The following NFATC2 variants were observed in gnomAD, a reference collection of about 807,000 sequenced individuals.
The protein encoded by NFATC2 is nuclear factor of activated T-cells, cytoplasmic 2.
A neutral mutation model predicts 87.3 loss-of-function variants in NFATC2; 22 were observed. That is an observed-to-expected ratio of 0.25 (90% confidence interval 0.18 to 0.36). The LOEUF is 0.36. Among genes scored for constraint, NFATC2 ranks in the 10% least tolerant of loss-of-function variants. NFATC2 has a pLI of 1.00. For missense variants in NFATC2, 1,149 were observed against 1,259.1 expected (o/e 0.91, Z 1.32); for synonymous variants, 565 against 542.2 (o/e 1.04, Z -0.58).
intron 9 of NFATC2, among the ~76,000 whole-genome samples, chr20:51,405,699 C>T (rs189532750): frequency 7.6e-4 from 116 of 152,294 alleles, no homozygotes; most frequent in Non-Finnish European, 1.5e-3. Context: ...GCTGTATCCC[C>T]AGCACCTAGG....
At chr20:51,482,897 G>A (rs961417048) in intron 3 of NFATC2, among the ~76,000 whole-genome samples, 2 of 152,138 alleles carry the variant, frequency 1.3e-5, no homozygotes, top group Admixed American at 1.3e-4. Context: ...CTTGCTTTAT[G>A]AGAATCTCAA....
chr20:51,449,541 G>A (rs1287368109), intron 6 of NFATC2, among the ~76,000 whole-genome samples: 1 of 152,220 alleles, frequency 6.6e-6, no homozygotes, highest in East Asian at 1.9e-4. Context: ...CTGCTGCTCA[G>A]AGCGGTGCAG....
upstream of NFATC2, among the ~76,000 whole-genome samples, chr20:51,547,032 C>T (rs1278235961): frequency 6.6e-6 from 1 of 151,982 alleles, no homozygotes; most frequent in Non-Finnish European, 1.5e-5. Context: ...TAAGTGGGGC[C>T]CAGGAGACCA....
chr20:51,501,882 T>A (rs563337400), intron 3 of NFATC2, among the ~76,000 whole-genome samples: 2 of 152,192 alleles, frequency 1.3e-5, no homozygotes, highest in Non-Finnish European at 2.9e-5. Context: ...ACATACAGTC[T>A]CTGTTGCAAG....
chr20:51,514,592 G>T lies in NFATC2; in HGVS notation c.1332+2192C>A, dbSNP rs574497855. On this transcript the variant is annotated intron_variant, in intron 3 of 10. Coordinates refer to ENST00000371564, the MANE Select transcript of NFATC2 (RefSeq NM_012340.5). ...GTGGACACATAAAACAGAGCACTTG[G>T]CCAGGCACGGTGGCTCACGCCTATA... Among the ~76,000 whole-genome samples, 508 of 152,318 alleles carry T rather than the reference G, an allele frequency of 3.3e-3. 3 individuals are homozygous for T. Among genetic ancestry groups the T allele is most frequent in the Non-Finnish European group, 3.3e-3 (225 of 68,036 alleles).
chr20:51,470,226 G>C (rs8119860), intron 5 of NFATC2, among the ~76,000 whole-genome samples: 1 of 152,078 alleles, frequency 6.6e-6, no homozygotes, highest in African/African-American at 2.4e-5. Context: ...GGGAAGGGGT[G>C]GGGGCAGCAT....
chr20:51,403,587 G>A (rs1988271745), intron 9 of NFATC2, among the ~76,000 whole-genome samples: 1 of 152,162 alleles, frequency 6.6e-6, no homozygotes, highest in Admixed American at 6.5e-5. Context: ...TTTGGAGATG[G>A]GGCCTTTGGG....
chr20:51,422,747 G>T (rs1981139877), intron 9 of NFATC2, among the ~76,000 whole-genome samples: 1 of 152,064 alleles, frequency 6.6e-6, no homozygotes, highest in South Asian at 2.1e-4. Context: ...TCAGGGCAGG[G>T]GGCTTTCATT....
chr20:51,499,284 G>T (rs979802177), intron 3 of NFATC2, among the ~76,000 whole-genome samples: 1 of 152,152 alleles, frequency 6.6e-6, no homozygotes, highest in South Asian at 2.1e-4. Context: ...AAGAGATGAT[G>T]CTAGCTTGGC....
intron 9 of NFATC2, among the ~76,000 whole-genome samples, chr20:51,423,291 C>CAAAAAAA (rs71192527): frequency 1.6e-5 from 1 of 62,852 alleles, no homozygotes; most frequent in Non-Finnish European, 2.7e-5. Flanking sequence ...GACCCTCTCT[C>CAAAAAAA]AAAAAAAAAA....
chr20:51,496,103 T>A (rs990509749), intron 3 of NFATC2, among the ~76,000 whole-genome samples: 1 of 152,056 alleles, frequency 6.6e-6, no homozygotes, highest in African/African-American at 2.4e-5. Flanking sequence ...GGAATGTGGG[T>A]GTGTGAACTG....
At chr20:51,397,759 A>G (rs1163842695) in intron 10 of NFATC2, among the ~76,000 whole-genome samples, 1 of 152,148 alleles carries the variant, frequency 6.6e-6, no homozygotes, top group Non-Finnish European at 1.5e-5. Context: ...TCCTCTGGCA[A>G]TCATGCTTCT....
At chr20:51,536,898 A>AACACACACACAC (rs10648135) in intron 1 of NFATC2, among the ~76,000 whole-genome samples, 13 of 149,680 alleles carry the variant, frequency 8.7e-5, no homozygotes, top group Non-Finnish European at 1.0e-4. Context: ...GCAAGCACCA[A>AACACACACACAC]ACACACACAC....
chr20:51,457,474 C>G (rs778641755), intron 5 of NFATC2, among the ~76,000 whole-genome samples: 3 of 152,234 alleles, frequency 2.0e-5, no homozygotes, highest in Non-Finnish European at 2.9e-5. Flanking sequence ...CACAGCTCCT[C>G]TCTTTCCTGC....
upstream of NFATC2, among the ~76,000 whole-genome samples, chr20:51,546,287 A>C (rs548240099): frequency 6.6e-6 from 1 of 152,324 alleles, no homozygotes; most frequent in South Asian, 2.1e-4. Flanking sequence ...GCCAACCCAT[A>C]AAAGAGTTTC....
intron 9 of NFATC2, among the ~76,000 whole-genome samples, chr20:51,419,672 T>A (rs568063620): frequency 8.1e-4 from 124 of 152,222 alleles, no homozygotes; most frequent in Non-Finnish European, 1.5e-3. Flanking sequence ...CTAATAATCC[T>A]CCCAATAACC....
chr20:51,491,877 T>TACACACACACAC (rs33936990), intron 3 of NFATC2, among the ~76,000 whole-genome samples: 1 of 57,402 alleles, frequency 1.7e-5, no homozygotes, highest in South Asian at 7.0e-4. Context: ...CACATACACA[T>TACACACACACAC]ACACACACAC....
intron 1 of NFATC2, among the ~76,000 whole-genome samples, chr20:51,559,972 C>T (rs1038635918): frequency 9.8e-5 from 15 of 152,316 alleles, no homozygotes; most frequent in Non-Finnish European, 1.6e-4. Flanking sequence ...AAGATCTTAA[C>T]CCTATCTGTG....
At chr20:51,544,498 A>G (rs778402777), upstream of NFATC2, among the ~76,000 whole-genome samples, 2 of 152,196 alleles carry the variant, frequency 1.3e-5, no homozygotes, top group Non-Finnish European at 2.9e-5. Flanking sequence ...CAAGCCATCC[A>G]TCATTCCACA....
Sources: gnomAD v4.1 joint callset for allele counts (sites outside exome capture counted in the v4.1 genomes callset) on GRCh38, gnomAD v4.1.1 for gene constraint, MANE v1.5 for transcripts, NCBI Gene and HGNC (gene_info 2026-07-23, HGNC 2026-07-21) for gene names.